VRK2: variants seen among roughly 807,000 people sequenced by gnomAD.
VRK2 encodes VRK serine/threonine kinase 2, also known as serine/threonine-protein kinase VRK2.
Under a neutral mutation model 57.6 loss-of-function variants are expected in VRK2, and 60 were observed. That is an observed-to-expected ratio of 1.04 (90% CI 0.85 to 1.29). VRK2 has a LOEUF of 1.29. Ranked by LOEUF, VRK2 falls within the 50% of genes most tolerant of loss-of-function variation. The pLI is 0.00. For missense variants in VRK2, 705 were observed against 588.1 expected, an observed-to-expected ratio of 1.20 and a Z score of -2.06; for synonymous variants, 231 against 199.2, an observed-to-expected ratio of 1.16 and a Z score of -1.35.
At chr2:57,976,719 T>C (rs1672262235) in intron 1 of VRK2, among the ~76,000 whole-genome samples, 1 of 152,170 alleles carries the variant, frequency 6.6e-6, no homozygotes. Flanking sequence ...AGCTCTTTAG[T>C]TTAATTAGGT....
At chr2:58,058,224 A>G (rs1488733503) in intron 2 of VRK2, 1 of 381,796 alleles carries the variant, frequency 2.6e-6, no homozygotes, top group Admixed American at 3.6e-5. Flanking sequence ...CCTAAATTTA[A>G]TCAGCTGGAA....
chr2:58,124,396 G>T (rs906304601), intron 8 of VRK2, among the ~76,000 whole-genome samples: 3 of 152,110 alleles, frequency 2.0e-5, no homozygotes, highest in South Asian at 2.1e-4. Context: ...TGTTATGCTA[G>T]TGAAAAAATG....
chr2:58,122,633 A>G (rs1376507422), intron 7 of VRK2, among the ~76,000 whole-genome samples: 3 of 152,156 alleles, frequency 2.0e-5, no homozygotes, highest in Admixed American at 1.3e-4. Flanking sequence ...ATCCACATAT[A>G]AGTGGACCTG....
chr2:57,973,641 A>G (rs1672161731), intron 1 of VRK2, among the ~76,000 whole-genome samples: 1 of 151,918 alleles, frequency 6.6e-6, no homozygotes, highest in Admixed American at 6.6e-5. Context: ...GGGCCATCAA[A>G]GCAGCAGTAA....
chr2:57,914,739 A>C (rs1479249875), intron 1 of VRK2, among the ~76,000 whole-genome samples: 3 of 152,172 alleles, frequency 2.0e-5, no homozygotes, highest in Non-Finnish European at 4.4e-5. Context: ...TTAAGCCAGA[A>C]AATTTTAGAT....
intron 8 of VRK2, among the ~76,000 whole-genome samples, chr2:58,129,615 A>G (rs1422924030): frequency 1.3e-5 from 2 of 152,222 alleles, no homozygotes; most frequent in Non-Finnish European, 2.9e-5. Context: ...ATTGTCATCT[A>G]GAACATTTGT....
intron 10 of VRK2, among the ~76,000 whole-genome samples, chr2:58,136,461 T>C (rs1680026081): frequency 6.6e-6 from 1 of 151,652 alleles, no homozygotes; most frequent in South Asian, 2.1e-4. Context: ...CTCGGCTCAG[T>C]GCAACCTCCC....
intron 7 of VRK2, among the ~76,000 whole-genome samples, chr2:58,108,593 G>A (rs1236046123): frequency 1.3e-5 from 2 of 151,930 alleles, no homozygotes; most frequent in Non-Finnish European, 2.9e-5. Context: ...TGCTCTGGTT[G>A]CCCTCTTGTA....
In VRK2 at chr2:58,136,425, C is replaced by T. The variant is rs911410453; in HGVS notation, c.856+1226C>T. ...TTTGAGACAGAGTCTCGCTCTGTCA[C>T]CCAGGCTGGAGTGCAGTGGCACGAT... is the stretch of plus-strand genomic sequence containing the variant. On this transcript the variant is annotated intron_variant, in intron 10 of 12. Transcript: ENST00000340157. Among the ~76,000 whole-genome samples, 22 of 151,062 alleles carry T rather than the reference C, an allele frequency of 1.5e-4. 1 individual carries two copies. Among genetic ancestry groups the T allele is most frequent in the Non-Finnish European group, 2.7e-4 (18 of 67,900 alleles).
chr2:57,976,084 A>G (rs1672244059), intron 1 of VRK2, among the ~76,000 whole-genome samples: 1 of 152,100 alleles, frequency 6.6e-6, no homozygotes, highest in South Asian at 2.1e-4. Context: ...TATTGCTGCA[A>G]AGGACATTAT....
At chr2:57,994,463 G>A (rs1672864309) in intron 1 of VRK2, among the ~76,000 whole-genome samples, 1 of 152,038 alleles carries the variant, frequency 6.6e-6, no homozygotes, top group Non-Finnish European at 1.5e-5. Context: ...ACAGTTCAAA[G>A]GAATAAAATA....
intron 1 of VRK2, among the ~76,000 whole-genome samples, chr2:57,911,511 A>G (rs186837706): frequency 1.6e-3 from 237 of 152,282 alleles, no homozygotes; most frequent in Middle Eastern, 3.4e-3. Context: ...GCTTGGCCCC[A>G]CAAAAGGAAT....
At chr2:58,084,062 T>G (rs767165623) in intron 2 of VRK2, 27 bp from the exon 3 acceptor site, 2 of 1,602,552 alleles carry the variant, frequency 1.2e-6, no homozygotes, top group South Asian at 2.3e-5. Context: ...ACTATTTTTC[T>G]CCATTGTGTG....
rs552407647 is a variant in VRK2 at position 57,957,624 on chromosome 2, A to G, written c.-439+49785A>G. Among the ~76,000 whole-genome samples the G allele has an allele frequency of 3.6e-5, 5 of 140,520 alleles. No individual in the cohort carries two copies. The South Asian group carries it at 8.5e-4, about 24-fold the overall frequency. The allele number at this position is 140,520 out of a possible 152,430, so 92.2% of individuals were successfully genotyped here. A position where few individuals can be genotyped will look rare whatever the true frequency, so the allele number is the denominator to read the frequency against. On this transcript the variant is annotated intron_variant, in intron 1 of 15. Transcript: ENST00000417641. Reference sequence around the variant, plus strand: ...TAGATATATATACTATATTATATATATTTCTATATATATATATATATCCAT... The same window carrying G: ...TAGATATATATACTATATTATATATGTTTCTATATATATATATATATCCAT...
chr2:58,124,361 C>T (rs1241724704), intron 8 of VRK2, among the ~76,000 whole-genome samples: 1 of 152,110 alleles, frequency 6.6e-6, no homozygotes, highest in Non-Finnish European at 1.5e-5. Flanking sequence ...GTTGCTCTGT[C>T]AGCAACACAA....
chr2:58,113,435 C>G (rs1405131284), intron 7 of VRK2, among the ~76,000 whole-genome samples: 1 of 152,082 alleles, frequency 6.6e-6, no homozygotes, highest in Admixed American at 6.6e-5. Flanking sequence ...TAGAGACTTT[C>G]ATGCGGGTCC....
chr2:58,006,512 T>C (rs1673249901), intron 1 of VRK2, among the ~76,000 whole-genome samples: 1 of 152,152 alleles, frequency 6.6e-6, no homozygotes, highest in African/African-American at 2.4e-5. Context: ...GGAAATAAAT[T>C]TGTAAGTGAA....
At chr2:58,096,555 T>C (rs1044296082) in intron 7 of VRK2, among the ~76,000 whole-genome samples, 1 of 151,982 alleles carries the variant, frequency 6.6e-6, no homozygotes, top group African/African-American at 2.4e-5. Context: ...TTTTTCGTAC[T>C]TCAGTGATTG....
At chr2:58,146,994 T>C (rs1682253754) in intron 12 of VRK2, among the ~76,000 whole-genome samples, 1 of 151,998 alleles carries the variant, frequency 6.6e-6, no homozygotes. Flanking sequence ...ATACAATGCA[T>C]TTATTATCTG....
Sources: allele counts gnomAD v4.1 joint callset (sites outside exome capture counted in the v4.1 genomes callset), GRCh38; gene constraint gnomAD v4.1.1; transcripts MANE v1.5; gene names NCBI Gene and HGNC (gene_info 2026-07-23, HGNC 2026-07-21).